Variants in PARD3B observed in about 807,000 individuals in gnomAD.
PARD3B encodes par-3 family cell polarity regulator beta, also known as partitioning defective 3 homolog B.
In PARD3B, 103 loss-of-function variants were observed where a neutral mutation model predicts 130.2. That is an observed-to-expected ratio of 0.79 (90% CI 0.67 to 0.93). PARD3B has a LOEUF of 0.93. PARD3B is among the 40% of genes least tolerant of loss of function. The probability of loss-of-function intolerance (pLI) is 0.00; values close to 1 mark genes in which losing one functional copy is unlikely to be tolerated. For synonymous variants in PARD3B, 583 were observed against 553.2 expected (o/e 1.05, Z -0.76); for missense variants, 1,609 against 1,499.2 (o/e 1.07, Z -1.21).
chr2:205,327,015 C>A (rs141713049), intron 18 of PARD3B, among the ~76,000 whole-genome samples: 14 of 152,126 alleles, frequency 9.2e-5, no homozygotes, highest in African/African-American at 3.1e-4. Flanking sequence ...AATGTAGGGT[C>A]TTTAACTTTT....
intron 10 of PARD3B, among the ~76,000 whole-genome samples, chr2:205,154,649 A>G (rs1462022288): frequency 6.6e-6 from 1 of 152,234 alleles, no homozygotes; most frequent in Admixed American, 6.5e-5. Flanking sequence ...ACCAACCCAA[A>G]TGTCCATCAA....
intron 2 of PARD3B, among the ~76,000 whole-genome samples, chr2:204,886,711 T>C (rs2046282665): frequency 6.6e-6 from 1 of 152,224 alleles, no homozygotes; most frequent in Non-Finnish European, 1.5e-5. Context: ...ATAATTTCTC[T>C]TCAGTTCTAA....
At chr2:205,552,034 G>T (rs1474827523) in intron 21 of PARD3B, among the ~76,000 whole-genome samples, 2 of 152,204 alleles carry the variant, frequency 1.3e-5, no homozygotes, top group African/African-American at 4.8e-5. Flanking sequence ...TTAAATACGT[G>T]TTACGTGTTC....
At position 205,292,378 on chromosome 2, in the gene PARD3B, T is replaced by G. The variant is rs1306483216; in HGVS notation, c.2186-8152T>G. On this transcript the variant is annotated intron_variant, in intron 16 of 22. Transcript: ENST00000406610. This position sits in a 1 kb window ranked among gnomAD's most constrained non-coding sequence, Gnocchi z 5.3. ...CCAGACACCAAATCTGTCAGCACCT[T>G]GATCTTGAACTTCCCAGCCTCCAGA... 2.0e-5 allele frequency among the ~76,000 whole-genome samples: 3 copies of G among 152,190 alleles called. No homozygotes were observed. Among genetic ancestry groups the G allele is most frequent in the Non-Finnish European group, 4.4e-5 (3 of 68,040 alleles).
chr2:204,952,404 T>C (rs985788911), intron 2 of PARD3B, among the ~76,000 whole-genome samples: 2 of 152,316 alleles, frequency 1.3e-5, no homozygotes, highest in South Asian at 2.1e-4. Flanking sequence ...GTTTTACTAC[T>C]TGCCCATCAT....
At chr2:204,936,347 C>T (rs538225084) in intron 2 of PARD3B, among the ~76,000 whole-genome samples, 94 of 152,268 alleles carry the variant, frequency 6.2e-4, no homozygotes, top group African/African-American at 1.9e-3. Flanking sequence ...GAAAACAGTA[C>T]ATTACTTATA....
chr2:204,615,672 A>G (rs1375143152), intron 1 of PARD3B, among the ~76,000 whole-genome samples: 2 of 152,172 alleles, frequency 1.3e-5, no homozygotes, highest in African/African-American at 4.8e-5. Context: ...CTTTTTAGAC[A>G]GCGTCTGCCA....
chr2:205,362,527 C>T lies in PARD3B; in HGVS notation c.2631-38486C>T, dbSNP rs927346889. Among the ~76,000 whole-genome samples, 78 of 152,096 alleles carry T rather than the reference C, an allele frequency of 5.1e-4. 3 individuals are homozygous for T. The highest frequency in any genetic ancestry group is 1.6e-4 in the Non-Finnish European group (11 of 68,018). ...TGAGAGGCATAAATGAAAATGCCCC[C>T]AGCTCCCTTTTGTTATTTTTCTATA... On this transcript the variant is annotated intron_variant, in intron 18 of 22. Coordinates refer to ENST00000406610, the MANE Select transcript of PARD3B (RefSeq NM_001302769.2).
chr2:205,231,949 C>T (rs762935222), intron 15 of PARD3B, among the ~76,000 whole-genome samples: 23 of 152,296 alleles, frequency 1.5e-4, no homozygotes, highest in Non-Finnish European at 2.1e-4. Context: ...AAGAGTGAGA[C>T]CAATGTTTGT....
In PARD3B at chr2:204,666,406, GC is replaced by G. The variant is rs546380928; in HGVS notation, c.121-19774del. Among the ~76,000 whole-genome samples the G allele has an allele frequency of 3.6e-3, 542 of 152,190 alleles. 5 individuals carry two copies. The highest frequency in any genetic ancestry group is 0.012 in the African/African-American group (494 of 41,520). ...AAGGTAATTTCAGCAAAGGAGAAGGGCTTTTTGGATTAAAGCAGTAGTAGGA... is the reference window on the plus strand; with the variant it reads ...AAGGTAATTTCAGCAAAGGAGAAGGGTTTTTGGATTAAAGCAGTAGTAGGA... On this transcript the variant is annotated intron_variant, in intron 1 of 22. Coordinates refer to ENST00000406610, the MANE Select transcript of PARD3B (RefSeq NM_001302769.2).
chr2:205,041,018 A>T (rs924684591), intron 3 of PARD3B, among the ~76,000 whole-genome samples: 1 of 152,138 alleles, frequency 6.6e-6, no homozygotes, highest in Non-Finnish European at 1.5e-5. Context: ...GACTTTATTA[A>T]ACAATAAGCA....
intron 20 of PARD3B, among the ~76,000 whole-genome samples, chr2:205,498,991 T>C (rs1028852665): frequency 2.9e-4 from 44 of 152,164 alleles, no homozygotes; most frequent in African/African-American, 1.0e-3. Flanking sequence ...CTGTGAAGTG[T>C]TCCTTTTTCC....
At chr2:204,835,952 A>G (rs1284862109) in intron 2 of PARD3B, among the ~76,000 whole-genome samples, 4 of 152,220 alleles carry the variant, frequency 2.6e-5, no homozygotes, top group Non-Finnish European at 4.4e-5. Flanking sequence ...TGGATTATCA[A>G]GATAGTAAGT....
At chr2:205,356,014 T>A (rs1052123679) in intron 18 of PARD3B, among the ~76,000 whole-genome samples, 2 of 152,076 alleles carry the variant, frequency 1.3e-5, no homozygotes, top group South Asian at 2.1e-4. Flanking sequence ...TAATTCCAGA[T>A]GAGATTTGGG....
At chr2:205,192,053 T>A (rs2036428332) in intron 14 of PARD3B, among the ~76,000 whole-genome samples, 1 of 152,158 alleles carries the variant, frequency 6.6e-6, no homozygotes, top group Admixed American at 6.6e-5. Flanking sequence ...CACGGCATTA[T>A]AAAAAGGGAG....
At chr2:205,156,443 G>A (rs1049138942) in intron 10 of PARD3B, among the ~76,000 whole-genome samples, 1 of 151,370 alleles carries the variant, frequency 6.6e-6, no homozygotes, top group African/African-American at 2.4e-5. Context: ...AAGAAAATGT[G>A]TCACCTTAAA....
chr2:204,900,407 C>T (rs1559240876), intron 2 of PARD3B, among the ~76,000 whole-genome samples: 3 of 152,138 alleles, frequency 2.0e-5, no homozygotes, highest in African/African-American at 7.2e-5. Context: ...GAGACACCGA[C>T]ACAGTCTTCA....
At position 205,213,450 on chromosome 2, in the gene PARD3B, C is replaced by T. The variant is rs111345647; in HGVS notation, c.2140+20130C>T. On this transcript the variant is annotated intron_variant, in intron 15 of 22. Coordinates refer to ENST00000406610, the MANE Select transcript of PARD3B (RefSeq NM_001302769.2). ...TTCACCACTTAGCATGTGTAGGTGCCCACTAAATCCAAGATGAATGAGTGA... is the reference window on the plus strand; with the variant it reads ...TTCACCACTTAGCATGTGTAGGTGCTCACTAAATCCAAGATGAATGAGTGA... Among the ~76,000 whole-genome samples the T allele has an allele frequency of 7.7e-3, 1,172 of 152,138 alleles. 16 individuals are homozygous for T. The highest frequency in any genetic ancestry group is 0.014 in the Middle Eastern group (4 of 294).
intron 22 of PARD3B, among the ~76,000 whole-genome samples, chr2:205,581,337 ATACGTGTGTGTGTG>A (rs1353048342): frequency 6.8e-6 from 1 of 146,856 alleles, no homozygotes; most frequent in East Asian, 1.9e-4. Context: ...TCCCTGTCAT[ATACGTGTGTGTGTG>A]TACGTGTGTG....
Sources: allele counts gnomAD v4.1 joint callset (sites outside exome capture counted in the v4.1 genomes callset), GRCh38; gene constraint gnomAD v4.1.1; non-coding constraint Gnocchi (gnomAD v3.1); transcripts MANE v1.5; gene names NCBI Gene and HGNC (gene_info 2026-07-23, HGNC 2026-07-21).